WDR43: variants seen among roughly 807,000 people sequenced by gnomAD.
WDR43 encodes WD repeat-containing protein 43.
WDR43 carries 13 observed loss-of-function variants against 91.4 expected under a neutral mutation model. The ratio of observed to expected loss-of-function variants is 0.14; its 90% CI spans 0.09 to 0.23. WDR43 has a LOEUF of 0.23. Ranked by LOEUF, WDR43 falls within the 10% of genes least tolerant of loss-of-function variation. The pLI, the probability that WDR43 is intolerant of heterozygous loss-of-function variation, is 1.00. For missense variants in WDR43, 780 were observed against 809.4 expected (o/e 0.96, Z 0.44); for synonymous variants, 331 against 287.9 (o/e 1.15, Z -1.51).
intron 6 of WDR43, among the ~76,000 whole-genome samples, chr2:28,918,612 G>T (rs945133784): frequency 6.6e-6 from 1 of 151,820 alleles, no homozygotes; most frequent in East Asian, 1.9e-4. Flanking sequence ...CAGGTGATCC[G>T]CCCACCTCAG....
In WDR43 at chr2:28,894,851, G is replaced by A. The variant is rs958623484; in HGVS notation, c.153G>A (p.Glu51=). The part of the protein sequence containing the change: ...WETANNRLHQ[E]YVPSAHLSGT... Reference sequence around the variant, plus strand: ...CGGCCAACAACCGGCTGCACCAGGAGTACGTGCCTTCCGCGCACCTCAGTG... The same window carrying A: ...CGGCCAACAACCGGCTGCACCAGGAATACGTGCCTTCCGCGCACCTCAGTG... Residue 51 remains glutamate (E), a synonymous_variant, in exon 1 of 18, where the codon GAG becomes GAA. Coordinates refer to ENST00000407426, the MANE Select transcript of WDR43 (RefSeq NM_015131.3). 1.9e-6 allele frequency: 3 copies of A among 1,610,854 alleles called. No individual in the cohort carries two copies. The highest frequency in any genetic ancestry group is 1.7e-6 in the Non-Finnish European group (2 of 1,178,772).
chr2:28,909,111 AATG>A (rs1365340969), intron 3 of WDR43, among the ~76,000 whole-genome samples: 5 of 152,042 alleles, frequency 3.3e-5, no homozygotes, highest in Non-Finnish European at 7.4e-5. Context: ...AGTTCTGCTG[AATG>A]ATGATTATCC....
At chr2:28,920,245 A>AGAC (rs1670998815) in intron 6 of WDR43, among the ~76,000 whole-genome samples, 1 of 30,342 alleles carries the variant, frequency 3.3e-5, no homozygotes, top group Non-Finnish European at 8.5e-5. Context: ...TTTTTTTTTG[A>AGAC]GACAGAGTCT....
intron 1 of WDR43, among the ~76,000 whole-genome samples, chr2:28,899,531 T>G (rs952771820): frequency 2.6e-5 from 4 of 152,140 alleles, no homozygotes; most frequent in African/African-American, 9.7e-5. Flanking sequence ...CTAGAGAAGG[T>G]GGGTTGAAGG....
rs759776520 is a variant in WDR43 at position 28,941,470 on chromosome 2, C to G, written c.1630C>G (p.Leu544Val). The G allele has an allele frequency of 3.1e-6, 5 of 1,612,666 alleles. No individual in the cohort carries two copies. The highest frequency in any genetic ancestry group is 3.3e-5 in the Admixed American group (2 of 59,818). The change falls in exon 15 of 18, where the codon CTG (leucine) becomes GTG (valine). Residue 544 changes from leucine to valine, a missense_variant. Coordinates refer to ENST00000407426, the MANE Select transcript of WDR43 (RefSeq NM_015131.3). ...HASYLSTLPDLVPQLGTLYQL... is the reference protein window; with the variant it reads ...HASYLSTLPDVVPQLGTLYQL... ...TCATTTTTTTCTCTAGTTGCCTGAC[C>G]TGGTACCCCAGCTGGGGACACTCTA...
chr2:28,903,306 T>C (rs1224715901), intron 2 of WDR43, among the ~76,000 whole-genome samples: 1 of 152,240 alleles, frequency 6.6e-6, no homozygotes, highest in Non-Finnish European at 1.5e-5. Flanking sequence ...TTCACAGAAT[T>C]ACTAACCTAA....
chr2:28,918,255 G>T (rs1255113531), intron 6 of WDR43, among the ~76,000 whole-genome samples: 1 of 152,092 alleles, frequency 6.6e-6, no homozygotes, highest in African/African-American at 2.4e-5. Flanking sequence ...GGTGGATTTT[G>T]TTACTAGGAG....
chr2:28,946,359 AG>A, intron 16 of WDR43, 90 bp from the exon 17 acceptor site: 1 of 1,222,954 alleles, frequency 8.2e-7, no homozygotes, highest in South Asian at 1.8e-5. Flanking sequence ...TATTTCTAAA[AG>A]TAAATTCAGG....
Position 28,902,054 on chromosome 2 carries a change from C to G in WDR43, c.293C>G (p.Ala98Gly). Residue 98 changes from alanine to glycine, a missense_variant, in exon 2 of 18, where the codon GCT becomes GGT. Ala to Gly is a moderately conservative substitution (Grantham distance 60). Around this residue, in one of 4 missense-constraint regions of WDR43, gnomAD observed 174 missense variants for 207.3 expected, o/e 0.84. Transcript: ENST00000407426. Reference sequence around the variant, plus strand: ...ATGAGTAACCAGACTGACTTATTGGCTCTTGGCACAGCAGTTGGTAGCATT... The same window carrying G: ...ATGAGTAACCAGACTGACTTATTGGGTCTTGGCACAGCAGTTGGTAGCATT... The part of the protein sequence containing the change: ...VGMSNQTDLL[A>G]LGTAVGSILL... The G allele has an allele frequency of 6.2e-7, 1 of 1,610,936 alleles. No individual in the cohort carries two copies. Among genetic ancestry groups the G allele is most frequent in the Non-Finnish European group, 8.5e-7 (1 of 1,178,868 alleles).
At chr2:28,903,198 A>G (rs1558368202) in intron 2 of WDR43, among the ~76,000 whole-genome samples, 1 of 152,210 alleles carries the variant, frequency 6.6e-6, no homozygotes, top group East Asian at 1.9e-4. Flanking sequence ...TAAAATCCCA[A>G]CAAGTGGGAT....
chr2:28,944,415 GGAGAC>G (rs1671504990), intron 16 of WDR43, among the ~76,000 whole-genome samples: 1 of 152,102 alleles, frequency 6.6e-6, no homozygotes, highest in South Asian at 2.1e-4. Flanking sequence ...AAAACTTTTT[GGAGAC>G]CTCAGTTTTT....
At chr2:28,917,397 T>C (rs1670932287) in intron 5 of WDR43, among the ~76,000 whole-genome samples, 1 of 152,204 alleles carries the variant, frequency 6.6e-6, no homozygotes, top group Non-Finnish European at 1.5e-5. Flanking sequence ...ATAATGTTAA[T>C]TCTCCCCAAA....
At chr2:28,895,050 G>T (rs993252715) in intron 1 of WDR43, 127 bp downstream of exon 1, 1 of 999,914 alleles carries the variant, frequency 1.0e-6, no homozygotes, top group Non-Finnish European at 1.3e-6. Flanking sequence ...GCTTGGAGGC[G>T]GCGTCGGCGC....
intron 1 of WDR43, 45 bp downstream of exon 1, chr2:28,894,968 G>A (rs759267919): frequency 1.4e-6 from 2 of 1,468,414 alleles, no homozygotes; most frequent in Non-Finnish European, 1.8e-6. Context: ...TCCCGGGCTC[G>A]GCTTCGGGCC....
intron 11 of WDR43, 37 bp from the exon 12 acceptor site, chr2:28,935,484 G>C: frequency 7.0e-7 from 1 of 1,430,060 alleles, no homozygotes; most frequent in South Asian, 1.3e-5. Context: ...TGGTTTGTCA[G>C]TATGCTCATC....
At chr2:28,926,751 A>T (rs55898308) in intron 9 of WDR43, among the ~76,000 whole-genome samples, 197 bp downstream of exon 9, 7,210 of 152,294 alleles carry the variant, frequency 0.047, 203 homozygotes, top group South Asian at 0.07. Context: ...AATGAATAGA[A>T]GACTAGCAGT....
chr2:28,922,803 T>G, intron 6 of WDR43, 116 bp from the exon 7 acceptor site: 1 of 408,854 alleles, frequency 2.4e-6, no homozygotes. Flanking sequence ...CTGTGTTTTT[T>G]TTTTTTTTTT....
At chr2:28,918,717 A>T (rs900545873) in intron 6 of WDR43, among the ~76,000 whole-genome samples, 1 of 152,170 alleles carries the variant, frequency 6.6e-6, no homozygotes, top group African/African-American at 2.4e-5. Flanking sequence ...TTTGCTGCCT[A>T]TAAAAAAAGA....
rs555989345 is a variant in WDR43, at chr2:28,938,833, G to A, written c.1620+839G>A. Among the ~76,000 whole-genome samples, 7 of 152,320 alleles carry A rather than the reference G, an allele frequency of 4.6e-5. No homozygotes were observed. The South Asian group carries it at 1.2e-3, about 27-fold the overall frequency. ...AGAACTCGCTAAGATGCTGGAATGG[G>A]GTTGAGAGAAACAACAGATCTTGGG... On this transcript the variant is annotated intron_variant, in intron 14 of 17. Transcript: ENST00000407426.
Sources: gnomAD v4.1 joint callset for allele counts (sites outside exome capture counted in the v4.1 genomes callset) on GRCh38, gnomAD v4.1.1 for gene constraint, gnomAD v4.1.1 regional missense constraint, MANE v1.5 for transcripts, NCBI Gene and HGNC (gene_info 2026-07-23, HGNC 2026-07-21) for gene names.